WDR70: variants seen among roughly 807,000 people sequenced by gnomAD.
WDR70 encodes WD repeat domain 70.
WDR70 carries 53 observed loss-of-function variants against 88.6 expected under a neutral mutation model. The ratio of observed to expected loss-of-function variants is 0.60; its 90% confidence interval spans 0.48 to 0.75. WDR70 has a LOEUF of 0.75. WDR70 is among the 30% of genes least tolerant of loss of function. The probability of loss-of-function intolerance (pLI) is 0.00; values close to 1 mark genes in which losing one functional copy is unlikely to be tolerated. For missense variants in WDR70, 610 were observed against 823.2 expected (o/e 0.74, Z 3.17); for synonymous variants, 280 against 270.0 (o/e 1.04, Z -0.36).
chr5:37,476,246 T>C (rs1739476788), intron 7 of WDR70, among the ~76,000 whole-genome samples: 1 of 152,208 alleles, frequency 6.6e-6, no homozygotes, highest in African/African-American at 2.4e-5. Context: ...AGATTACAAC[T>C]TAACAAAGTC....
chr5:37,506,071 C>T, intron 8 of WDR70: 1 of 1,304,592 alleles, frequency 7.7e-7, no homozygotes, highest in Admixed American at 1.7e-5. Context: ...GAGAGATCAC[C>T]TCATTCAAGA....
chr5:37,518,970 A>G (rs552804240), intron 9 of WDR70, among the ~76,000 whole-genome samples: 1 of 152,262 alleles, frequency 6.6e-6, no homozygotes, highest in African/African-American at 2.4e-5. Flanking sequence ...CCCTGAGTTG[A>G]CACAGCACAT....
chr5:37,448,173 A>T (rs528097131), intron 7 of WDR70, among the ~76,000 whole-genome samples: 2 of 152,188 alleles, frequency 1.3e-5, no homozygotes, highest in East Asian at 3.9e-4. Flanking sequence ...AGTCAATTGC[A>T]GTCATTATTC....
At position 37,520,998 on chromosome 5, in the gene WDR70, T is replaced by C. The variant is rs915116184; in HGVS notation, c.917+4408T>C. ...GGACCACAGAGGACTTGGGCTATTC[T>C]GGTTAAAACTTAACCACAGAGGACC... is the stretch of plus-strand genomic sequence containing the variant. On this transcript the variant is annotated intron_variant, in intron 9 of 17. Coordinates refer to ENST00000265107, the MANE Select transcript of WDR70 (RefSeq NM_018034.4). 2.0e-5 allele frequency among the ~76,000 whole-genome samples: 3 copies of C among 151,732 alleles called. No homozygotes were observed. In the South Asian group the frequency reaches 6.2e-4, roughly 31 times the overall value.
At chr5:37,459,409 G>A (rs1167146947) in intron 7 of WDR70, among the ~76,000 whole-genome samples, 3 of 150,768 alleles carry the variant, frequency 2.0e-5, no homozygotes, top group Non-Finnish European at 4.4e-5. Context: ...TCTGATCTTT[G>A]ACAAACCTGA....
At chr5:37,557,931 C>G (rs1279872727) in intron 9 of WDR70, among the ~76,000 whole-genome samples, 3 of 149,276 alleles carry the variant, frequency 2.0e-5, no homozygotes, top group Admixed American at 6.6e-5. Flanking sequence ...CAAAAGAGTA[C>G]TCTTTTGAAT....
At chr5:37,432,683 A>G (rs1750345118) in intron 5 of WDR70, among the ~76,000 whole-genome samples, 1 of 150,942 alleles carries the variant, frequency 6.6e-6, no homozygotes, top group African/African-American at 2.5e-5. Context: ...GGCATGAGCC[A>G]CCGCGCCCGG....
intron 10 of WDR70, among the ~76,000 whole-genome samples, chr5:37,625,816 A>G (rs540615983): frequency 6.6e-6 from 1 of 151,774 alleles, no homozygotes; most frequent in East Asian, 1.9e-4. Context: ...GGCTTGAGCC[A>G]CCTCTCCCAG....
chr5:37,620,231 TCTC>T lies in WDR70; in HGVS notation c.1092+14994_1092+14996del, dbSNP rs1225224774. On this transcript the variant is annotated intron_variant, in intron 10 of 17. Coordinates refer to ENST00000265107, the MANE Select transcript of WDR70 (RefSeq NM_018034.4). ...TATAGTTAATTACAGAAAGAACTAT[TCTC>T]ATTGAGTGGTGTTTTCACTGAGTAA... The T allele has an allele frequency of 5.9e-5, 9 of 151,688 alleles. No homozygotes were observed. The East Asian group carries it at 1.6e-3, about 26-fold the overall frequency. 9.4% of individuals were successfully genotyped at this position (151,688 alleles called of 1,614,324 possible).
At position 37,467,167 on chromosome 5, in the gene WDR70, C is replaced by T. The variant is rs549740210; in HGVS notation, c.687-12667C>T. Among the ~76,000 whole-genome samples, 163 of 146,170 alleles carry T rather than the reference C, an allele frequency of 1.1e-3. 1 individual carries two copies. The highest frequency in any genetic ancestry group is 3.9e-3 in the African/African-American group (157 of 39,864). ...GCTTGAACCTGGGAGGCGGAGGTTG[C>T]AGTGAGCCATGATCGCACCACTGTA... On this transcript the variant is annotated intron_variant, in intron 7 of 17. Transcript: ENST00000265107.
At chr5:37,402,293 TTGTG>T (rs35565451) in intron 5 of WDR70, among the ~76,000 whole-genome samples, 1,047 of 24,498 alleles carry the variant, frequency 0.043, 6 homozygotes, top group African/African-American at 0.12. Flanking sequence ...CAGATAGTAT[TTGTG>T]TGTGTGTGTG....
chr5:37,475,700 A>G (rs1290707489), intron 7 of WDR70, among the ~76,000 whole-genome samples: 1 of 152,130 alleles, frequency 6.6e-6, no homozygotes, highest in Non-Finnish European at 1.5e-5. Context: ...CATCCTGTCA[A>G]ACTTTGTCTT....
At chr5:37,659,694 G>A (rs761094277) in intron 10 of WDR70, among the ~76,000 whole-genome samples, 9 of 152,116 alleles carry the variant, frequency 5.9e-5, no homozygotes, top group Admixed American at 2.6e-4. Context: ...GTAGAGGCCC[G>A]CTTCTAGCTT....
At chr5:37,649,195 T>G (rs756255974) in intron 10 of WDR70, among the ~76,000 whole-genome samples, 1 of 151,924 alleles carries the variant, frequency 6.6e-6, no homozygotes, top group Non-Finnish European at 1.5e-5. Flanking sequence ...AAGGATAGCT[T>G]AGGTAAAGAT....
intron 10 of WDR70, among the ~76,000 whole-genome samples, chr5:37,631,681 T>C (rs546067848): frequency 2.6e-5 from 4 of 152,166 alleles, no homozygotes; most frequent in Non-Finnish European, 5.9e-5. Context: ...GTCTGTACTT[T>C]TAACCAACAT....
At chr5:37,398,109 AC>A (rs1342025424) in intron 5 of WDR70, among the ~76,000 whole-genome samples, 77 of 5,722 alleles carry the variant, frequency 0.013, no homozygotes, top group African/African-American at 0.015. Flanking sequence ...TTTTTTTGAG[AC>A]GGGAGTCTCA....
chr5:37,418,742 A>G (rs1561845124), intron 5 of WDR70, among the ~76,000 whole-genome samples: 3 of 151,982 alleles, frequency 2.0e-5, no homozygotes, highest in African/African-American at 7.3e-5. Context: ...GATATTTACT[A>G]TCATCAGTAA....
chr5:37,501,658 G>T (rs557420451), intron 8 of WDR70, among the ~76,000 whole-genome samples: 2 of 152,164 alleles, frequency 1.3e-5, no homozygotes, highest in East Asian at 3.9e-4. Flanking sequence ...TCTTCTGCTT[G>T]TGGCTGTCCA....
chr5:37,730,066 C>T lies in WDR70; in HGVS notation c.1877+3021C>T, dbSNP rs6898181. On this transcript the variant is annotated intron_variant, in intron 17 of 17. Coordinates refer to ENST00000265107, the MANE Select transcript of WDR70 (RefSeq NM_018034.4). The stretch of plus-strand genomic sequence containing the variant: ...TTTTTCTTTTTTGGTCTAAGTTCCA[C>T]TTGAAAATCTTTGGTGAAGTGTAAT... 7.5e-3 allele frequency among the ~76,000 whole-genome samples: 1,144 copies of T among 152,166 alleles called. 19 individuals carry two copies. The highest frequency in any genetic ancestry group is 0.026 in the African/African-American group (1,077 of 41,512).
Sources: allele counts gnomAD v4.1 joint callset (sites outside exome capture counted in the v4.1 genomes callset), GRCh38; gene constraint gnomAD v4.1.1; transcripts MANE v1.5; gene names NCBI Gene and HGNC (gene_info 2026-07-23, HGNC 2026-07-21).